The following ARHGEF4 variants were observed in gnomAD, a reference collection of about 807,000 sequenced individuals.
The protein encoded by ARHGEF4 is Rho guanine nucleotide exchange factor 4.
Under a neutral mutation model 162.0 loss-of-function variants are expected in ARHGEF4, and 119 were observed. The observed-to-expected ratio is 0.73, with a 90% CI of 0.63 to 0.86. The LOEUF is 0.86. Among genes scored for constraint, ARHGEF4 ranks in the 40% least tolerant of loss-of-function variants. ARHGEF4 has a pLI of 0.00. For synonymous variants in ARHGEF4, 1,014 were observed against 979.9 expected, an observed-to-expected ratio of 1.03 and a Z score of -0.65; for missense variants, 2,488 against 2,456.0, an observed-to-expected ratio of 1.01 and a Z score of -0.28.
At chr2:130,924,564 G>C (rs191753982) in intron 2 of ARHGEF4, among the ~76,000 whole-genome samples, 44 of 152,304 alleles carry the variant, frequency 2.9e-4, no homozygotes, top group Admixed American at 2.8e-3. Flanking sequence ...GCACGAGGCA[G>C]TCCTCTGGTG....
chr2:130,976,028 GC>G (rs1685677495), intron 4 of ARHGEF4, among the ~76,000 whole-genome samples: 1 of 152,164 alleles, frequency 6.6e-6, no homozygotes, highest in African/African-American at 2.4e-5. Context: ...TGCTGGAGTA[GC>G]CCAGGGTCGA....
chr2:130,894,602 T>A (rs906674071), intron 1 of ARHGEF4, among the ~76,000 whole-genome samples: 1 of 152,220 alleles, frequency 6.6e-6, no homozygotes, highest in Non-Finnish European at 1.5e-5. Flanking sequence ...CCTTCTGCAT[T>A]TTTGTTTGCT....
At chr2:130,864,611 C>G (rs1343584963) in intron 1 of ARHGEF4, among the ~76,000 whole-genome samples, 1 of 152,152 alleles carries the variant, frequency 6.6e-6, no homozygotes, top group Admixed American at 6.5e-5. Context: ...GTAATCTCAG[C>G]TACTCAGGAA....
chr2:130,933,697 G>A (rs1433812447), intron 3 of ARHGEF4, among the ~76,000 whole-genome samples: 2 of 152,090 alleles, frequency 1.3e-5, no homozygotes, highest in Non-Finnish European at 2.9e-5. Flanking sequence ...CATCATAAAT[G>A]GAAATTTTTA....
chr2:130,958,928 G>C (rs537471354), intron 4 of ARHGEF4, among the ~76,000 whole-genome samples: 1 of 151,256 alleles, frequency 6.6e-6, no homozygotes, highest in African/African-American at 2.4e-5. Flanking sequence ...GGCATATCTA[G>C]ATACATTTCT....
At chr2:131,021,611 A>C (rs377066078) in intron 4 of ARHGEF4, among the ~76,000 whole-genome samples, 3 of 152,352 alleles carry the variant, frequency 2.0e-5, no homozygotes, top group East Asian at 3.9e-4. Flanking sequence ...AATGGCAACA[A>C]AAGCCAAAAT....
intron 4 of ARHGEF4, among the ~76,000 whole-genome samples, chr2:130,948,742 C>T (rs2105155221): frequency 6.6e-6 from 1 of 152,346 alleles, no homozygotes; most frequent in Middle Eastern, 3.4e-3. Flanking sequence ...GCACATCCCT[C>T]CATTTCCCTA....
chr2:130,912,649 G>A (rs939698196), intron 1 of ARHGEF4, among the ~76,000 whole-genome samples: 3 of 152,128 alleles, frequency 2.0e-5, no homozygotes, highest in Non-Finnish European at 2.9e-5. Context: ...GCCTTCGTGA[G>A]CAATGGGGCT....
In ARHGEF4 at chr2:130,988,889, TATATATATATATAGAG is replaced by T. The variant is rs1461047850; in HGVS notation, c.3986-39054_3986-39039del. 7.7e-4 allele frequency among the ~76,000 whole-genome samples: 90 copies of T among 116,452 alleles called. 1 individual carries two copies. In the Middle Eastern group the frequency reaches 0.014, roughly 18 times the overall value. The allele number at this position is 116,452 out of a possible 152,430, so 76.4% of individuals were successfully genotyped here. On this transcript the variant is annotated intron_variant, in intron 4 of 13. Transcript: ENST00000409359. ...GTGTGTGTGTATATATATATATATA[TATATATATATATAGAG>T]AGAGAGAGAGAGAGAGAGAGAGAGA...
intron 4 of ARHGEF4, among the ~76,000 whole-genome samples, chr2:130,970,015 TCA>T (rs1685256708): frequency 6.6e-6 from 1 of 152,204 alleles, no homozygotes; most frequent in African/African-American, 2.4e-5. Context: ...AATGGATGTA[TCA>T]CAGTTTGTCA....
chr2:130,961,941 C>G (rs575531066), intron 4 of ARHGEF4, among the ~76,000 whole-genome samples: 10 of 152,116 alleles, frequency 6.6e-5, no homozygotes, highest in African/African-American at 2.2e-4. Flanking sequence ...TTCCCAAGGA[C>G]AAGAAAGACT....
intron 1 of ARHGEF4, among the ~76,000 whole-genome samples, chr2:130,887,155 C>T (rs187506413): frequency 4.6e-5 from 7 of 152,012 alleles, no homozygotes; most frequent in Admixed American, 2.6e-4. Flanking sequence ...TTTAGAATCA[C>T]ATTAGAATTT....
At chr2:130,887,548 A>G (rs1679594822) in intron 1 of ARHGEF4, among the ~76,000 whole-genome samples, 1 of 152,040 alleles carries the variant, frequency 6.6e-6, no homozygotes, top group African/African-American at 2.4e-5. Context: ...TCATCATGAT[A>G]CCGACTTTTT....
chr2:130,902,861 T>C, intron 1 of ARHGEF4, among the ~76,000 whole-genome samples: 1 of 152,192 alleles, frequency 6.6e-6, no homozygotes, highest in East Asian at 1.9e-4. Flanking sequence ...TCTGCTTCAA[T>C]TTCTAAAACC....
At chr2:131,035,097 G>A in intron 5 of ARHGEF4, 1 of 1,081,862 alleles carries the variant, frequency 9.2e-7, no homozygotes, top group Non-Finnish European at 1.1e-6. Context: ...GCGCCATGGC[G>A]AGGGCCCCGC....
chr2:130,997,550 C>G (rs1216756416), intron 4 of ARHGEF4, among the ~76,000 whole-genome samples: 1 of 152,134 alleles, frequency 6.6e-6, no homozygotes, highest in East Asian at 1.9e-4. Context: ...GAAGCAAACC[C>G]ATCTTAACTT....
intron 10 of ARHGEF4, among the ~76,000 whole-genome samples, chr2:131,042,536 T>C (rs1335440497): frequency 6.8e-6 from 1 of 146,258 alleles, no homozygotes; most frequent in Non-Finnish European, 1.5e-5. Flanking sequence ...GCCACCACCA[T>C]GCACCAGCTG....
At chr2:130,932,874 G>A (rs897343991) in intron 3 of ARHGEF4, among the ~76,000 whole-genome samples, 1 of 152,102 alleles carries the variant, frequency 6.6e-6, no homozygotes, top group African/African-American at 2.4e-5. Context: ...ACCATGTGTT[G>A]AAGAGACTAT....
At chr2:130,976,090 C>T (rs1470227189) in intron 4 of ARHGEF4, among the ~76,000 whole-genome samples, 1 of 152,146 alleles carries the variant, frequency 6.6e-6, no homozygotes, top group Non-Finnish European at 1.5e-5. Context: ...TGCCTCCAGT[C>T]TCTGTGAAAC....
Sources: gnomAD v4.1 joint callset for allele counts (sites outside exome capture counted in the v4.1 genomes callset) on GRCh38, gnomAD v4.1.1 for gene constraint, MANE v1.5 for transcripts, NCBI Gene and HGNC (gene_info 2026-07-23, HGNC 2026-07-21) for gene names.